CTNNA2: variants seen among roughly 807,000 people sequenced by gnomAD.
CTNNA2 encodes catenin alpha 2, also known as catenin alpha-2.
A neutral mutation model predicts 101.0 loss-of-function variants in CTNNA2; 42 were observed. That is an observed-to-expected ratio of 0.42 (90% CI 0.32 to 0.54). The LOEUF is 0.54. Among genes scored for constraint, CTNNA2 ranks in the 20% least tolerant of loss-of-function variants. The pLI is 0.14. For missense variants in CTNNA2, 871 were observed against 1,223.1 expected (o/e 0.71, Z 4.29); for synonymous variants, 450 against 456.4 (o/e 0.99, Z 0.18).
At chr2:79,354,047 A>G (rs1677450765) in intron 3 of CTNNA2, among the ~76,000 whole-genome samples, 2 of 152,098 alleles carry the variant, frequency 1.3e-5, no homozygotes, top group African/African-American at 4.8e-5. Context: ...GTCCTATGCT[A>G]GACTGTTGGA....
intron 11 of CTNNA2, among the ~76,000 whole-genome samples, chr2:80,554,127 C>T (rs887926705): frequency 5.9e-5 from 9 of 152,076 alleles, no homozygotes; most frequent in Non-Finnish European, 8.8e-5. Flanking sequence ...TCAGTTATAA[C>T]TTGCAATTTT....
intron 2 of CTNNA2, among the ~76,000 whole-genome samples, chr2:79,733,825 C>T (rs1687351557): frequency 6.6e-6 from 1 of 152,030 alleles, no homozygotes. Flanking sequence ...AGTCCACTAA[C>T]CTTAAAGAAA....
intron 3 of CTNNA2, among the ~76,000 whole-genome samples, chr2:79,328,378 A>G (rs1676794720): frequency 1.3e-5 from 2 of 152,210 alleles, no homozygotes; most frequent in African/African-American, 4.8e-5. Context: ...TGAAGGCAGT[A>G]GAATTGAGAA....
chr2:79,387,029 T>A (rs189934026), intron 4 of CTNNA2, among the ~76,000 whole-genome samples: 188 of 152,348 alleles, frequency 1.2e-3, no homozygotes, highest in African/African-American at 3.8e-3. Context: ...TGCTGTACTA[T>A]CACAGCCACC....
At chr2:79,593,894 T>G in intron 1 of CTNNA2, among the ~76,000 whole-genome samples, 1 of 123,764 alleles carries the variant, frequency 8.1e-6, no homozygotes, top group Non-Finnish European at 1.8e-5. Context: ...TTTTTTTTTT[T>G]TTTTTTTTTT....
chr2:80,062,524 T>A (rs115494010), intron 7 of CTNNA2, among the ~76,000 whole-genome samples: 11 of 152,162 alleles, frequency 7.2e-5, no homozygotes, highest in African/African-American at 2.7e-4. Context: ...TCCTGGGTAA[T>A]ACATTTACAT....
At chr2:80,627,978 CAGAG>C (rs1189706582) in intron 18 of CTNNA2, among the ~76,000 whole-genome samples, 7 of 152,022 alleles carry the variant, frequency 4.6e-5, no homozygotes, top group Non-Finnish European at 1.0e-4. Flanking sequence ...AAGAGACAAA[CAGAG>C]AGCCAAGTCA....
intron 12 of CTNNA2, among the ~76,000 whole-genome samples, chr2:80,563,842 A>G (rs1246393902): frequency 2.6e-5 from 4 of 152,160 alleles, no homozygotes; most frequent in African/African-American, 9.7e-5. Flanking sequence ...ACTGCCAAGT[A>G]TTTCATACTC....
At chr2:79,554,993 C>T (rs1229783274) in intron 1 of CTNNA2, among the ~76,000 whole-genome samples, 2 of 152,104 alleles carry the variant, frequency 1.3e-5, no homozygotes, top group Non-Finnish European at 2.9e-5. Flanking sequence ...TTTCAAGATG[C>T]AAAACAAAAG....
intron 2 of CTNNA2, among the ~76,000 whole-genome samples, chr2:79,263,199 C>T (rs1225110073): frequency 6.6e-6 from 1 of 152,076 alleles, no homozygotes; most frequent in African/African-American, 2.4e-5. Context: ...TTGTCTCTTC[C>T]AAATCTCATG....
intron 7 of CTNNA2, among the ~76,000 whole-genome samples, chr2:80,316,980 C>CCT (rs1678191246): frequency 6.6e-6 from 1 of 152,032 alleles, no homozygotes; most frequent in Admixed American, 6.5e-5. Flanking sequence ...TACGGGTAGG[C>CCT]AAGGCTTCCT....
chr2:80,337,455 TC>T (rs1194836068), intron 7 of CTNNA2, among the ~76,000 whole-genome samples: 1 of 142,328 alleles, frequency 7.0e-6, no homozygotes, highest in Non-Finnish European at 1.5e-5. Flanking sequence ...TTGACTACAC[TC>T]CCCCCCACCC....
At position 79,891,575 on chromosome 2, in the gene CTNNA2, G is replaced by A. The variant is rs112432885; in HGVS notation, c.852+17233G>A. On this transcript the variant is annotated intron_variant, in intron 6 of 18. Transcript: ENST00000402739. ...GGTCTCTTAGGGAGGAGAAGATAAC[G>A]CGGTTATCTGCCACCAACCCCCAGA... 6.0e-3 allele frequency among the ~76,000 whole-genome samples: 910 copies of A among 152,230 alleles called. 12 individuals carry two copies. Among genetic ancestry groups the A allele is most frequent in the African/African-American group, 0.02 (840 of 41,528 alleles).
chr2:80,609,265 A>G (rs980537665), intron 17 of CTNNA2, among the ~76,000 whole-genome samples: 10 of 151,816 alleles, frequency 6.6e-5, no homozygotes, highest in Admixed American at 6.6e-5. Context: ...ATTTTTGGAA[A>G]TTTAGAAGTT....
chr2:79,851,420 T>G (rs907487466), intron 3 of CTNNA2, among the ~76,000 whole-genome samples: 1 of 152,190 alleles, frequency 6.6e-6, no homozygotes, highest in Non-Finnish European at 1.5e-5. Flanking sequence ...TCCTTCACAG[T>G]CTCTGTAAGT....
intron 2 of CTNNA2, among the ~76,000 whole-genome samples, chr2:79,717,116 T>C (rs1330407633): frequency 2.6e-5 from 4 of 152,184 alleles, no homozygotes; most frequent in Non-Finnish European, 4.4e-5. Flanking sequence ...GTATGAGCCC[T>C]GGAGAAGGAA....
chr2:80,313,607 G>GTTTTTC, intron 7 of CTNNA2: 1 of 1,611,376 alleles, frequency 6.2e-7, no homozygotes, highest in Non-Finnish European at 8.5e-7. Flanking sequence ...CAAAGTCTGT[G>GTTTTTC]AAAAAAATAT....
At chr2:79,370,207 G>A (rs1677839656) in intron 3 of CTNNA2, among the ~76,000 whole-genome samples, 1 of 152,190 alleles carries the variant, frequency 6.6e-6, no homozygotes, top group Non-Finnish European at 1.5e-5. Flanking sequence ...TATAATCTTA[G>A]AATAATTCTA....
At chr2:79,251,790 G>T (rs1674775026) in intron 2 of CTNNA2, among the ~76,000 whole-genome samples, 1 of 152,162 alleles carries the variant, frequency 6.6e-6, no homozygotes, top group African/African-American at 2.4e-5. Flanking sequence ...GTCTGTAAGA[G>T]ACACTGAGCC....
Sources: allele counts gnomAD v4.1 joint callset (sites outside exome capture counted in the v4.1 genomes callset), GRCh38; gene constraint gnomAD v4.1.1; transcripts MANE v1.5; gene names NCBI Gene and HGNC (gene_info 2026-07-23, HGNC 2026-07-21).